KCTD1: variants seen among roughly 807,000 people sequenced by gnomAD.
KCTD1 encodes potassium channel tetramerization domain containing 1.
Under a neutral mutation model 66.0 loss-of-function variants are expected in KCTD1, and 24 were observed. The observed-to-expected ratio is 0.36, with a 90% confidence interval of 0.26 to 0.51. KCTD1 has a LOEUF of 0.51. Among genes scored for constraint, KCTD1 ranks in the 20% least tolerant of loss-of-function variants. The pLI is 0.95. For missense variants in KCTD1, 943 were observed against 1,205.2 expected, an observed-to-expected ratio of 0.78 and a Z score of 3.22; for synonymous variants, 511 against 517.2, an observed-to-expected ratio of 0.99 and a Z score of 0.16.
chr18:26,496,601 GA>G (rs1393065605), intron 2 of KCTD1, among the ~76,000 whole-genome samples: 1 of 152,112 alleles, frequency 6.6e-6, no homozygotes, highest in African/African-American at 2.4e-5. Context: ...CAGTTAATTT[GA>G]AAACTTTAGT....
At chr18:26,615,275 C>G (rs890738241) in intron 1 of KCTD1, among the ~76,000 whole-genome samples, 3 of 152,108 alleles carry the variant, frequency 2.0e-5, no homozygotes, top group African/African-American at 7.2e-5. Flanking sequence ...CTGAACCAAA[C>G]CTGTGAGTCA....
At chr18:26,643,765 A>C (rs142642493), upstream of KCTD1, among the ~76,000 whole-genome samples, 2 of 152,178 alleles carry the variant, frequency 1.3e-5, no homozygotes, top group African/African-American at 4.8e-5. Flanking sequence ...GATGGAGACC[A>C]TCCTGGCTAA....
At chr18:26,477,042 A>G (rs1981386405) in intron 2 of KCTD1, among the ~76,000 whole-genome samples, 2 of 152,240 alleles carry the variant, frequency 1.3e-5, no homozygotes, top group Admixed American at 6.5e-5. Context: ...GTTCTACTAA[A>G]AAAGCAATTT....
intron 1 of KCTD1, among the ~76,000 whole-genome samples, chr18:26,657,194 G>T (rs937291574): frequency 2.6e-5 from 4 of 151,800 alleles, no homozygotes; most frequent in Admixed American, 6.6e-5. Flanking sequence ...CTGCCCCGCC[G>T]CGGGTCCAAG....
intron 1 of KCTD1, among the ~76,000 whole-genome samples, chr18:26,651,799 A>AAAAGAAG (rs764181233): frequency 3.6e-4 from 42 of 117,136 alleles, no homozygotes; most frequent in South Asian, 1.0e-3. Context: ...AAAAAAAAAA[A>AAAAGAAG]AAGAAGAAGA....
chr18:26,576,750 C>G (rs1256739083), intron 1 of KCTD1, among the ~76,000 whole-genome samples: 1 of 152,144 alleles, frequency 6.6e-6, no homozygotes, highest in Non-Finnish European at 1.5e-5. Context: ...GACATTTCTA[C>G]TTAATATATA....
intron 1 of KCTD1, among the ~76,000 whole-genome samples, chr18:26,610,107 A>T (rs971569539): frequency 6.6e-6 from 1 of 152,218 alleles, no homozygotes; most frequent in African/African-American, 2.4e-5. Flanking sequence ...ATGTGGGTAC[A>T]TCTATGGTGT....
intron 1 of KCTD1, among the ~76,000 whole-genome samples, chr18:26,556,478 T>G (rs1012575162): frequency 6.6e-5 from 10 of 152,244 alleles, no homozygotes; most frequent in Non-Finnish European, 1.2e-4. Context: ...CTTTTCTCTC[T>G]TTATAGCTCA....
intron 1 of KCTD1, among the ~76,000 whole-genome samples, chr18:26,529,583 A>G (rs1263388680): frequency 6.6e-6 from 1 of 152,240 alleles, no homozygotes; most frequent in Non-Finnish European, 1.5e-5. Flanking sequence ...AAGAAGAACC[A>G]AGAGAAACTA....
chr18:26,531,688 A>C (rs1984441168), intron 1 of KCTD1, among the ~76,000 whole-genome samples: 1 of 152,152 alleles, frequency 6.6e-6, no homozygotes, highest in Non-Finnish European at 1.5e-5. Flanking sequence ...AGAGATTCTA[A>C]ATGTCACCTG....
chr18:26,600,122 G>A (rs1986855990), intron 1 of KCTD1: 1 of 1,609,974 alleles, frequency 6.2e-7, no homozygotes. Flanking sequence ...TGTGGGGAAG[G>A]GAAAAAGAGG....
At chr18:26,573,873 G>A (rs1158260179) in intron 1 of KCTD1, among the ~76,000 whole-genome samples, 4 of 152,266 alleles carry the variant, frequency 2.6e-5, no homozygotes, top group South Asian at 4.2e-4. Flanking sequence ...TGTGAAAGTC[G>A]TGAGAAGTTT....
At chr18:26,513,180 C>CG (rs1423575591) in intron 1 of KCTD1, among the ~76,000 whole-genome samples, 3 of 151,346 alleles carry the variant, frequency 2.0e-5, no homozygotes, top group Non-Finnish European at 4.4e-5. Context: ...CTCCGCCTCC[C>CG]GGGTTCACGC....
chr18:26,458,900 T>G (rs1269539765), intron 4 of KCTD1: 2 of 152,248 alleles, frequency 1.3e-5, no homozygotes, highest in Admixed American at 1.3e-4. Flanking sequence ...AATGTTCACT[T>G]TAAAATACGA....
chr18:26,548,771 G>C (rs1241050538), upstream of KCTD1: 1 of 1,124,010 alleles, frequency 8.9e-7, no homozygotes, highest in Admixed American at 4.9e-5. Flanking sequence ...GGTAAAGGAC[G>C]GAGGCTGACC....
chr18:26,536,620 G>C (rs1984720666), intron 1 of KCTD1, among the ~76,000 whole-genome samples: 1 of 152,114 alleles, frequency 6.6e-6, no homozygotes, highest in Non-Finnish European at 1.5e-5. Context: ...AATGAGATAA[G>C]ACTGATCTCC....
chr18:26,587,454 A>G (rs1166373711), intron 1 of KCTD1, among the ~76,000 whole-genome samples: 1 of 152,246 alleles, frequency 6.6e-6, no homozygotes, highest in Non-Finnish European at 1.5e-5. Context: ...CTGCTAACAT[A>G]ACATCCATTC....
chr18:26,484,694 TC>T (rs1234954244), intron 2 of KCTD1, among the ~76,000 whole-genome samples: 1 of 152,192 alleles, frequency 6.6e-6, no homozygotes. Flanking sequence ...TTCCCTGTGC[TC>T]TTTGGGGCCT....
chr18:26,586,566 A>G (rs1439066198), intron 1 of KCTD1, among the ~76,000 whole-genome samples: 1 of 152,264 alleles, frequency 6.6e-6, no homozygotes, highest in Non-Finnish European at 1.5e-5. Flanking sequence ...CTTAGTGAGG[A>G]AGGCATGTTG....
Sources: gnomAD v4.1 joint callset for allele counts (sites outside exome capture counted in the v4.1 genomes callset) on GRCh38, gnomAD v4.1.1 for gene constraint, MANE v1.5 for transcripts, NCBI Gene and HGNC (gene_info 2026-07-23, HGNC 2026-07-21) for gene names.